The following ARHGAP17 variants were observed in gnomAD, a reference collection of about 807,000 sequenced individuals.
ARHGAP17 encodes Rho GTPase activating protein 17.
Under a neutral mutation model 99.5 loss-of-function variants are expected in ARHGAP17, and 57 were observed. That is an observed-to-expected ratio of 0.57 (90% CI 0.46 to 0.71). The LOEUF is 0.71. ARHGAP17 is among the 30% of genes least tolerant of loss of function. ARHGAP17 has a pLI of 0.00. For synonymous variants in ARHGAP17, 417 were observed against 429.6 expected (o/e 0.97, Z 0.36); for missense variants, 1,000 against 1,122.4 (o/e 0.89, Z 1.56).
chr16:25,006,020 G>C (rs533859350), intron 1 of ARHGAP17, among the ~76,000 whole-genome samples: 1 of 152,200 alleles, frequency 6.6e-6, no homozygotes, highest in African/African-American at 2.4e-5. Context: ...AAGTAATTTA[G>C]AGGTGAGCAG....
chr16:24,958,549 A>T (rs937599590), intron 9 of ARHGAP17, among the ~76,000 whole-genome samples: 2 of 152,248 alleles, frequency 1.3e-5, no homozygotes, highest in East Asian at 3.8e-4. Flanking sequence ...AGGCAAGGGC[A>T]ATGGCTGAGA....
rs1242484502 is a variant in ARHGAP17 at position 24,952,922 on chromosome 16, G to C, written c.964+9C>G. 1 of 1,613,032 alleles carries C rather than the reference G, an allele frequency of 6.2e-7. No homozygotes were observed. The highest frequency in any genetic ancestry group is 2.2e-5 in the East Asian group (1 of 44,864). ...GTGACTTGATTTGCAGACACTCTTT[G>C]GCGCTCACCTGCTACAGCATGGGGG... On this transcript the variant is annotated intron_variant, in intron 11 of 19. Transcript: ENST00000289968.
At chr16:24,949,353 G>T in intron 13 of ARHGAP17, 51 bp downstream of exon 13, 1 of 1,411,226 alleles carries the variant, frequency 7.1e-7, no homozygotes, top group Non-Finnish European at 9.9e-7. Flanking sequence ...TTCTCTGCTG[G>T]GCATTAAACT....
At chr16:24,938,463 C>A (rs746960817) in intron 17 of ARHGAP17, among the ~76,000 whole-genome samples, 6 of 152,032 alleles carry the variant, frequency 3.9e-5, no homozygotes, top group Non-Finnish European at 7.4e-5. Context: ...ACTAAAAGAG[C>A]CTTTTAAGAA....
At chr16:24,945,368 G>GT (rs1267218942) in intron 14 of ARHGAP17, among the ~76,000 whole-genome samples, 3 of 149,364 alleles carry the variant, frequency 2.0e-5, no homozygotes, top group Non-Finnish European at 4.4e-5. Context: ...GAAGAAAAAA[G>GT]TAAGAGTTAT....
At chr16:24,971,161 C>T (rs751283812) in intron 3 of ARHGAP17, among the ~76,000 whole-genome samples, 2 of 152,106 alleles carry the variant, frequency 1.3e-5, no homozygotes, top group East Asian at 3.9e-4. Context: ...TGAACCATCA[C>T]GCCCAGCCTG....
chr16:25,012,927 C>T (rs974174846), intron 1 of ARHGAP17, among the ~76,000 whole-genome samples: 1 of 152,088 alleles, frequency 6.6e-6, no homozygotes, highest in Non-Finnish European at 1.5e-5. Flanking sequence ...ACCACCAAGG[C>T]GATCTAGTAA....
chr16:24,960,618 C>A (rs2051961864), intron 7 of ARHGAP17, among the ~76,000 whole-genome samples: 1 of 151,362 alleles, frequency 6.6e-6, no homozygotes, highest in South Asian at 2.1e-4. Context: ...GAGATTGAGA[C>A]CATCCTGACT....
chr16:25,015,176 C>T (rs2053753592), intron 1 of ARHGAP17, 33 bp downstream of exon 1: 4 of 1,276,318 alleles, frequency 3.1e-6, no homozygotes, highest in Non-Finnish European at 4.0e-6. Context: ...CCCCCAGCCC[C>T]GGTGCGACCC....
intron 14 of ARHGAP17, among the ~76,000 whole-genome samples, chr16:24,946,107 C>A (rs532872974): frequency 6.6e-6 from 1 of 152,138 alleles, no homozygotes; most frequent in Non-Finnish European, 1.5e-5. Flanking sequence ...AGCTTTCCAG[C>A]GGATCCCCCG....
intron 19 of ARHGAP17, among the ~76,000 whole-genome samples, chr16:24,928,337 T>C (rs1382370423): frequency 1.3e-5 from 2 of 152,234 alleles, no homozygotes; most frequent in African/African-American, 2.4e-5. Flanking sequence ...ATTCATAGCA[T>C]AGACCGGTTT....
chr16:25,014,830 A>G (rs1409615846), intron 1 of ARHGAP17, among the ~76,000 whole-genome samples: 1 of 152,146 alleles, frequency 6.6e-6, no homozygotes, highest in African/African-American at 2.4e-5. Context: ...GACAGAAGTC[A>G]CCGTTGTTGA....
intron 1 of ARHGAP17, among the ~76,000 whole-genome samples, chr16:24,987,732 C>T (rs2052916725): frequency 6.6e-6 from 1 of 152,136 alleles, no homozygotes; most frequent in Admixed American, 6.5e-5. Flanking sequence ...TACAATTTCA[C>T]ATGAGAGATC....
chr16:24,934,030 A>G (rs1267674524), intron 18 of ARHGAP17, among the ~76,000 whole-genome samples: 1 of 152,182 alleles, frequency 6.6e-6, no homozygotes, highest in Non-Finnish European at 1.5e-5. Context: ...AGAAGAATAA[A>G]GTGGGGGTCT....
chr16:24,947,675 C>T, intron 13 of ARHGAP17, 80 bp from the exon 14 acceptor site: 2 of 1,234,846 alleles, frequency 1.6e-6, no homozygotes, highest in Admixed American at 1.7e-5. Context: ...GGTGCACAAT[C>T]CCAGTTTGCT....
Position 24,949,454 on chromosome 16 carries a change from G to C in ARHGAP17, c.1077C>G (p.Asp359Glu). 6.2e-7 allele frequency: 1 copy of C among 1,613,856 alleles called. No homozygotes were observed. The highest frequency in any genetic ancestry group is 8.5e-7 in the Non-Finnish European group (1 of 1,179,954). Residue 359 changes from aspartate to glutamate, a missense_variant, in exon 13 of 20, where the codon GAC becomes GAG. Coordinates refer to ENST00000289968, the MANE Select transcript of ARHGAP17 (RefSeq NM_001006634.3). ...GCAACTTCTGACATGTTCTCCACAA[G>C]TCTTGAAGTTTTTTGTCTTGATCCT... is the stretch of plus-strand genomic sequence containing the variant. The part of the protein sequence containing the change: ...SVQDQDKKLQ[D>E]LWRTCQKLPP...
chr16:24,987,747 TTC>T (rs1449705254), intron 1 of ARHGAP17, among the ~76,000 whole-genome samples: 4 of 152,226 alleles, frequency 2.6e-5, no homozygotes, highest in African/African-American at 9.6e-5. Flanking sequence ...GAGATCACTG[TTC>T]TGCTGGCTTT....
intron 6 of ARHGAP17, among the ~76,000 whole-genome samples, chr16:24,966,887 C>CTGTAAAA (rs1443625853): frequency 2.6e-5 from 4 of 152,184 alleles, no homozygotes; most frequent in Non-Finnish European, 5.9e-5. Context: ...GCAGGTCCCT[C>CTGTAAAA]CCTTATCTGT....
intron 15 of ARHGAP17, 56 bp from the exon 16 acceptor site, chr16:24,942,199 G>T: frequency 6.6e-7 from 1 of 1,523,402 alleles, no homozygotes. Context: ...AGGCGAGGGA[G>T]CTCTAAGACA....
Sources: gnomAD v4.1 joint callset for allele counts (sites outside exome capture counted in the v4.1 genomes callset) on GRCh38, gnomAD v4.1.1 for gene constraint, MANE v1.5 for transcripts, NCBI Gene and HGNC (gene_info 2026-07-23, HGNC 2026-07-21) for gene names.